The following SPATA1 variants were observed in gnomAD, a reference collection of about 807,000 sequenced individuals.
SPATA1 encodes spermatogenesis associated 1.
A neutral mutation model predicts 59.6 loss-of-function variants in SPATA1; 57 were observed. The ratio of observed to expected loss-of-function variants is 0.96; its 90% CI spans 0.77 to 1.19. The LOEUF (loss-of-function observed/expected upper bound fraction) is 1.19, where lower values mean the gene tolerates loss of function less well. SPATA1 is among the 50% of genes most tolerant of loss of function. SPATA1 has a pLI of 0.00. For missense variants in SPATA1, 448 were observed against 480.7 expected (o/e 0.93, Z 0.64); for synonymous variants, 147 against 163.9 (o/e 0.90, Z 0.79).
chr1:84,563,042 C>T (rs1423416426), intron 4 of SPATA1, among the ~76,000 whole-genome samples: 1 of 152,102 alleles, frequency 6.6e-6, no homozygotes, highest in East Asian at 1.9e-4. Context: ...GTGGCCCAAG[C>T]AGAGTAGATT....
At chr1:84,510,378 T>TA (rs1164824690) in intron 1 of SPATA1, among the ~76,000 whole-genome samples, 2 of 152,130 alleles carry the variant, frequency 1.3e-5, no homozygotes, top group Admixed American at 1.3e-4. Context: ...AAAGAAGACT[T>TA]ACAAATGGCA....
intron 2 of SPATA1, among the ~76,000 whole-genome samples, chr1:84,519,630 A>G (rs1405811108): frequency 6.6e-6 from 1 of 152,088 alleles, no homozygotes; most frequent in Non-Finnish European, 1.5e-5. Context: ...AATGCAACGT[A>G]TAGAAAACTT....
chr1:84,564,665 T>C lies in SPATA1; in HGVS notation n.443-1196T>C, dbSNP rs1684658037. On this transcript the variant is annotated intron_variant and non_coding_transcript_variant, in intron 4 of 4. Coordinates refer to the SPATA1 transcript ENST00000460286. ...GAACCTTTTATTGATAGAACATAAT[T>C]ATAATGTCTTGCCTGAAACACAGTT... is the stretch of plus-strand genomic sequence containing the variant. Among the ~76,000 whole-genome samples, 2 of 152,152 alleles carry C rather than the reference T, an allele frequency of 1.3e-5. 1 individual carries two copies. Among genetic ancestry groups the C allele is most frequent in the South Asian group, 4.1e-4 (2 of 4,832 alleles).
At chr1:84,537,937 T>C (rs1370070223) in intron 8 of SPATA1, among the ~76,000 whole-genome samples, 2 of 152,196 alleles carry the variant, frequency 1.3e-5, no homozygotes, top group African/African-American at 4.8e-5. Context: ...ACTGCCTCCC[T>C]GATGCTTGCA....
At chr1:84,513,691 T>C (rs1682672218) in intron 1 of SPATA1, among the ~76,000 whole-genome samples, 1 of 152,214 alleles carries the variant, frequency 6.6e-6, no homozygotes, top group East Asian at 1.9e-4. Context: ...CTATGTTACT[T>C]CCTCAGTTTG....
At chr1:84,531,316 C>T (rs1479411417) in intron 6 of SPATA1, among the ~76,000 whole-genome samples, 1 of 151,990 alleles carries the variant, frequency 6.6e-6, no homozygotes. Flanking sequence ...GCACGTGCCA[C>T]CACACCTGGC....
chr1:84,510,541 C>G (rs1682492199), intron 1 of SPATA1, among the ~76,000 whole-genome samples: 1 of 152,156 alleles, frequency 6.6e-6, no homozygotes, highest in South Asian at 2.1e-4. Context: ...GAAAAGGGAA[C>G]TCTTGTACAC....
rs147089991 is a variant in SPATA1 at position 84,536,012 on chromosome 1, C to T, written c.717+2246C>T. Among the ~76,000 whole-genome samples the T allele has an allele frequency of 5.3e-3, 811 of 152,316 alleles. 2 individuals are homozygous for T. The highest frequency in any genetic ancestry group is 7.2e-3 in the Non-Finnish European group (493 of 68,030). On this transcript the variant is annotated intron_variant, in intron 8 of 12. Transcript: ENST00000490879. ...CTTAATTTCCTTTATTACATTTCTT[C>T]CTGCTTAAACCTGCACTGAACTGAT...
At chr1:84,540,203 T>C (rs941802760) in intron 8 of SPATA1, among the ~76,000 whole-genome samples, 27 of 152,220 alleles carry the variant, frequency 1.8e-4, no homozygotes, top group Admixed American at 3.9e-4. Flanking sequence ...AGATGAGTCA[T>C]GTCCATTTAT....
chr1:84,532,397 G>A (rs1313756918), intron 6 of SPATA1, among the ~76,000 whole-genome samples: 1 of 152,162 alleles, frequency 6.6e-6, no homozygotes, highest in Non-Finnish European at 1.5e-5. Context: ...TTGGGAGGCT[G>A]AGGCAGGAGA....
chr1:84,535,984 A>G (rs1261559962), intron 8 of SPATA1, among the ~76,000 whole-genome samples: 1 of 152,216 alleles, frequency 6.6e-6, no homozygotes, highest in Admixed American at 6.5e-5. Flanking sequence ...TCTTTCTGAT[A>G]CACTTAATTT....
chr1:84,541,489 A>C (rs1190005774), intron 8 of SPATA1, among the ~76,000 whole-genome samples: 1 of 151,804 alleles, frequency 6.6e-6, no homozygotes, highest in Admixed American at 6.6e-5. Context: ...TATATGTTCC[A>C]TCTTGGAACA....
intron 4 of SPATA1, among the ~76,000 whole-genome samples, chr1:84,559,902 T>C (rs1226915968): frequency 6.6e-6 from 1 of 151,742 alleles, no homozygotes; most frequent in African/African-American, 2.4e-5. Context: ...CTGGCCTACA[T>C]AGTGAAACCC....
At chr1:84,550,671 AT>A in intron 12 of SPATA1, 141 bp downstream of exon 12, 1 of 1,219,420 alleles carries the variant, frequency 8.2e-7, no homozygotes, top group Non-Finnish European at 1.0e-6. Context: ...AGTAAAGAGC[AT>A]AGGTGAAAAA....
downstream of SPATA1, among the ~76,000 whole-genome samples, chr1:84,556,655 T>A (rs1194352554): frequency 1.5e-5 from 2 of 131,472 alleles, no homozygotes. Flanking sequence ...GAGGTTGCAG[T>A]AAGCTGAGAT....
At chr1:84,557,533 CAAAAAAA>C (rs56101174), downstream of SPATA1, among the ~76,000 whole-genome samples, 1 of 55,436 alleles carries the variant, frequency 1.8e-5, no homozygotes, top group Non-Finnish European at 3.5e-5. Flanking sequence ...AACTCCATCT[CAAAAAAA>C]AAAAAAAAAA....
chr1:84,525,834 A>G lies in SPATA1; in HGVS notation c.316-11A>G, dbSNP rs767682830. 9 of 1,604,724 alleles carry G rather than the reference A, an allele frequency of 5.6e-6. No individual in the cohort carries two copies. The South Asian group carries it at 7.8e-5, about 14-fold the overall frequency. ...TGCAAACTAACTTTTAAAATTTCCT[A>G]TATGTTTTAGGCTCTTCAACCAGAA... On this transcript the variant is annotated splice_polypyrimidine_tract_variant and intron_variant, in intron 5 of 12. Coordinates refer to ENST00000490879, the Ensembl canonical transcript of SPATA1.
At chr1:84,511,491 A>C (rs1351519920) in intron 1 of SPATA1, among the ~76,000 whole-genome samples, 1 of 151,746 alleles carries the variant, frequency 6.6e-6, no homozygotes. Context: ...TCATTCCTCA[A>C]TTGGCTCTAG....
chr1:84,560,468 A>C (rs2102021768), intron 4 of SPATA1, among the ~76,000 whole-genome samples: 1 of 152,250 alleles, frequency 6.6e-6, no homozygotes, highest in Middle Eastern at 3.4e-3. Flanking sequence ...ACTTCGTTGA[A>C]CCTAAGCACA....
Sources: gnomAD v4.1 joint callset for allele counts (sites outside exome capture counted in the v4.1 genomes callset) on GRCh38, gnomAD v4.1.1 for gene constraint, MANE v1.5 for transcripts, NCBI Gene and HGNC (gene_info 2026-07-23, HGNC 2026-07-21) for gene names.